The following LARGE1 variants were observed in gnomAD, a reference collection of about 807,000 sequenced individuals.
LARGE1 encodes xylosyl- and glucuronyltransferase LARGE1.
Under a neutral mutation model 87.6 loss-of-function variants are expected in LARGE1, and 43 were observed. The ratio of observed to expected loss-of-function variants is 0.49; its 90% confidence interval spans 0.38 to 0.63. The LOEUF (loss-of-function observed/expected upper bound fraction) is 0.63, where lower values mean the gene tolerates loss of function less well. LARGE1 is among the 30% of genes least tolerant of loss of function. The pLI is 0.00. For synonymous variants in LARGE1, 434 were observed against 394.6 expected, an observed-to-expected ratio of 1.10 and a Z score of -1.18; for missense variants, 802 against 1,000.2, an observed-to-expected ratio of 0.80 and a Z score of 2.67.
intron 10 of LARGE1, among the ~76,000 whole-genome samples, chr22:33,335,852 T>C (rs762312668): frequency 1.3e-5 from 2 of 152,192 alleles, no homozygotes; most frequent in African/African-American, 2.4e-5. Context: ...CTTAAACCAG[T>C]GGAGCTGCTC....
the LARGE1 span, among the ~76,000 whole-genome samples, chr22:33,125,281 A>G: frequency 4.6e-5 from 7 of 152,108 alleles, no homozygotes; most frequent in African/African-American, 1.7e-4. Flanking sequence ...CATTCAACAA[A>G]TATTTTTTGA....
intron 10 of LARGE1, among the ~76,000 whole-genome samples, chr22:33,318,221 C>T (rs1465697634): frequency 3.7e-5 from 5 of 133,796 alleles, no homozygotes; most frequent in African/African-American, 2.9e-5. Context: ...GGCGACAGAG[C>T]GAGACTCCAT....
intron 1 of LARGE1, among the ~76,000 whole-genome samples, chr22:33,770,023 A>T (rs1220812865): frequency 6.6e-6 from 1 of 152,234 alleles, no homozygotes; most frequent in East Asian, 1.9e-4. Context: ...ATATCAACAA[A>T]AATAATCTGT....
At chr22:33,717,774 T>G (rs540578473) in intron 2 of LARGE1, among the ~76,000 whole-genome samples, 1 of 152,322 alleles carries the variant, frequency 6.6e-6, no homozygotes, top group South Asian at 2.1e-4. Flanking sequence ...AATAAAATCA[T>G]ACAGAAAACC....
At chr22:33,881,056 AT>A (rs35911972) in intron 1 of LARGE1, among the ~76,000 whole-genome samples, 32,312 of 148,654 alleles carry the variant, frequency 0.22, 3,965 homozygotes, top group Middle Eastern at 0.32. Context: ...AGCTTTTTTA[AT>A]TTTTTTTTTT....
At chr22:33,564,807 C>A in intron 6 of LARGE1, 41 bp downstream of exon 6, 1 of 1,609,544 alleles carries the variant, frequency 6.2e-7, no homozygotes, top group Non-Finnish European at 8.5e-7. Flanking sequence ...ATGCTGATAC[C>A]TACAAGGATA....
intron 10 of LARGE1, among the ~76,000 whole-genome samples, chr22:33,318,656 G>A (rs1283275633): frequency 6.6e-6 from 1 of 152,006 alleles, no homozygotes; most frequent in Non-Finnish European, 1.5e-5. Context: ...TAAATGATGA[G>A]TTAATGGGTG....
rs531575482 is a variant in LARGE1, at chr22:33,237,683, T to C, written c.1730+66546A>G. On this transcript the variant is annotated intron_variant, in intron 11 of 11. Transcript: ENST00000608642. ...GATAAAAGGGAGTGAGATTTCATTA[T>C]CCATGCTAGCAGGGGAAGAGCAGAA... Among the ~76,000 whole-genome samples, 33 of 152,338 alleles carry C rather than the reference T, an allele frequency of 2.2e-4. No homozygotes were observed. The South Asian group carries it at 6.8e-3, about 32-fold the overall frequency.
intron 2 of LARGE1, among the ~76,000 whole-genome samples, chr22:33,654,555 T>A (rs1251886613): frequency 6.6e-6 from 1 of 152,202 alleles, no homozygotes; most frequent in Non-Finnish European, 1.5e-5. Flanking sequence ...TATTCCTTTT[T>A]CTGGCTCCTG....
chr22:33,305,247 A>G (rs1057182648), intron 11 of LARGE1, among the ~76,000 whole-genome samples: 1 of 151,976 alleles, frequency 6.6e-6, no homozygotes, highest in Non-Finnish European at 1.5e-5. Context: ...TGCTGTCTGC[A>G]TCACTCGTCT....
At chr22:33,459,431 C>T (rs972086428) in intron 6 of LARGE1, among the ~76,000 whole-genome samples, 30 of 146,758 alleles carry the variant, frequency 2.0e-4, no homozygotes, top group African/African-American at 7.0e-4. Context: ...AAAGCTCGCT[C>T]GCTCTCTCTC....
intron 1 of LARGE1, among the ~76,000 whole-genome samples, chr22:33,869,710 T>C (rs1366256208): frequency 6.6e-6 from 1 of 152,182 alleles, no homozygotes; most frequent in East Asian, 1.9e-4. Context: ...GTGGTTCTCC[T>C]TTCTCCCCAT....
intron 6 of LARGE1, among the ~76,000 whole-genome samples, chr22:33,558,312 T>C (rs1035661543): frequency 2.0e-5 from 3 of 152,084 alleles, no homozygotes; most frequent in Non-Finnish European, 4.4e-5. Context: ...TGAGCTTCAT[T>C]TGGAGATAAG....
At chr22:33,159,102 C>T (rs939547663), downstream of LARGE1, among the ~76,000 whole-genome samples, 17 of 151,844 alleles carry the variant, frequency 1.1e-4, no homozygotes, top group Non-Finnish European at 5.9e-5. Flanking sequence ...CTGTTTCAAA[C>T]CCTCATTTCT....
intron 11 of LARGE1, among the ~76,000 whole-genome samples, chr22:33,236,373 A>C (rs1376566403): frequency 6.6e-6 from 1 of 152,212 alleles, no homozygotes; most frequent in Non-Finnish European, 1.5e-5. Flanking sequence ...GTTTATATCC[A>C]AAAGCAATAA....
At chr22:33,532,239 C>T (rs2267225) in intron 6 of LARGE1, among the ~76,000 whole-genome samples, 82,678 of 152,104 alleles carry the variant, frequency 0.54, 23,100 homozygotes, top group Admixed American at 0.64. Context: ...TTTCTTTTAA[C>T]GTTTTATTTC....
At chr22:33,532,925 C>A (rs958868795) in intron 6 of LARGE1, among the ~76,000 whole-genome samples, 1 of 152,136 alleles carries the variant, frequency 6.6e-6, no homozygotes, top group Non-Finnish European at 1.5e-5. Flanking sequence ...AGGGCCAGTA[C>A]AGAGCAAGAC....
chr22:33,205,739 G>T (rs1036122273), intron 11 of LARGE1, among the ~76,000 whole-genome samples: 13 of 152,080 alleles, frequency 8.5e-5, no homozygotes, highest in African/African-American at 2.9e-4. Context: ...TACTACTCAA[G>T]AGGGGAGAAA....
At chr22:33,813,507 T>C (rs1448186200) in intron 1 of LARGE1, among the ~76,000 whole-genome samples, 1 of 152,000 alleles carries the variant, frequency 6.6e-6, no homozygotes, top group African/African-American at 2.4e-5. Flanking sequence ...ACCAGATACA[T>C]AAAACAGAAT....
Sources: gnomAD v4.1 joint callset for allele counts (sites outside exome capture counted in the v4.1 genomes callset) on GRCh38, gnomAD v4.1.1 for gene constraint, MANE v1.5 for transcripts, NCBI Gene and HGNC (gene_info 2026-07-23, HGNC 2026-07-21) for gene names.